ZDHHC13: variants seen among roughly 807,000 people sequenced by gnomAD.
ZDHHC13 encodes zDHHC palmitoyltransferase 13, also known as palmitoyltransferase ZDHHC13.
In ZDHHC13, 85 loss-of-function variants were observed where a neutral mutation model predicts 86.0. The observed-to-expected ratio is 0.99, with a 90% CI of 0.83 to 1.18. The LOEUF (loss-of-function observed/expected upper bound fraction) is 1.18, where lower values mean the gene tolerates loss of function less well. Among genes scored for constraint, ZDHHC13 ranks in the 50% most tolerant of loss-of-function variants. The probability of loss-of-function intolerance (pLI) is 0.00; values close to 1 mark genes in which losing one functional copy is unlikely to be tolerated. For synonymous variants in ZDHHC13, 263 were observed against 246.4 expected (o/e 1.07, Z -0.63); for missense variants, 711 against 730.2 (o/e 0.97, Z 0.30).
At chr11:19,171,651 G>A (rs1004819715) in intron 15 of ZDHHC13, among the ~76,000 whole-genome samples, 9 of 152,176 alleles carry the variant, frequency 5.9e-5, no homozygotes, top group African/African-American at 1.9e-4. Flanking sequence ...ATAATACCTA[G>A]TATTTATAAT....
intron 6 of ZDHHC13, 39 bp from the exon 7 acceptor site, chr11:19,152,119 T>G (rs1160022141): frequency 1.3e-6 from 2 of 1,592,284 alleles, no homozygotes; most frequent in Admixed American, 3.5e-5. Context: ...AGTCATCATC[T>G]CTGTTAATGC....
rs1849582223 is a variant in ZDHHC13, at chr11:19,150,675, A to G, written c.520-52A>G. 6 of 1,489,654 alleles carry G rather than the reference A, an allele frequency of 4.0e-6. No homozygotes were observed. In the Admixed American group the frequency reaches 8.5e-5, roughly 21 times the overall value. 92.3% of individuals were successfully genotyped at this position (1,489,654 alleles called of 1,614,324 possible). Reference sequence around the variant, plus strand: ...AGAGATATTTCTATTAAGAGAACAAATAGACTTTTGAGTGTATTTACAGTT... The same window carrying G: ...AGAGATATTTCTATTAAGAGAACAAGTAGACTTTTGAGTGTATTTACAGTT... On this transcript the variant is annotated intron_variant, in intron 5 of 16. Transcript: ENST00000446113.
chr11:19,163,179 T>TAGGGGC (rs908111776), intron 10 of ZDHHC13, 124 bp from the exon 11 acceptor site: 1 of 960,354 alleles, frequency 1.0e-6, no homozygotes, highest in Admixed American at 3.5e-5. Context: ...GGAAGAGATT[T>TAGGGGC]AGGGGCAGGG....
At position 19,126,342 on chromosome 11, in the gene ZDHHC13, C is replaced by CTTT. The variant is rs10629803; in HGVS notation, c.27+9076_27+9078dup. 3.7e-3 allele frequency among the ~76,000 whole-genome samples: 506 copies of CTTT among 135,524 alleles called. 8 individuals are homozygous for CTTT. Among genetic ancestry groups the CTTT allele is most frequent in the African/African-American group, 8.8e-3 (321 of 36,482 alleles). The allele number at this position is 135,524 out of a possible 152,430, so 88.9% of individuals were successfully genotyped here. On this transcript the variant is annotated intron_variant, in intron 1 of 16. Transcript: ENST00000446113. ...CTTCTTCTTTTTTTCTTTTCTTTTT[C>CTTT]TTTTTTTTTTTTGCAGTGGAGTCTT...
chr11:19,122,024 T>C (rs1196394730), intron 1 of ZDHHC13, among the ~76,000 whole-genome samples: 1 of 152,204 alleles, frequency 6.6e-6, no homozygotes, highest in Non-Finnish European at 1.5e-5. Context: ...CAAGGTTACC[T>C]GTCTTCTTCT....
chr11:19,159,399 AC>A (rs1849848260), intron 10 of ZDHHC13, among the ~76,000 whole-genome samples: 1 of 152,172 alleles, frequency 6.6e-6, no homozygotes, highest in African/African-American at 2.4e-5. Context: ...TTTTCTGAGT[AC>A]TAAGACGGAC....
chr11:19,174,632 A>T (rs1403202501), intron 16 of ZDHHC13, among the ~76,000 whole-genome samples: 1 of 152,272 alleles, frequency 6.6e-6, no homozygotes, highest in African/African-American at 2.4e-5. Flanking sequence ...CATTTCTCAT[A>T]ACTGGAATAG....
intron 15 of ZDHHC13, among the ~76,000 whole-genome samples, chr11:19,171,569 A>G (rs752220508): frequency 9.2e-5 from 14 of 152,194 alleles, no homozygotes; most frequent in Non-Finnish European, 1.5e-4. Context: ...TCACTCTCCT[A>G]TCACTCTGAC....
At chr11:19,121,923 C>T (rs76809293) in intron 1 of ZDHHC13, among the ~76,000 whole-genome samples, 1 of 152,000 alleles carries the variant, frequency 6.6e-6, no homozygotes, top group Non-Finnish European at 1.5e-5. Flanking sequence ...GTTATTTGGC[C>T]CGTGTCATCA....
Position 19,120,781 on chromosome 11 carries a change from T to C in ZDHHC13, c.27+3505T>C, listed in dbSNP as rs56904649. 8.9e-3 allele frequency among the ~76,000 whole-genome samples: 1,352 copies of C among 152,264 alleles called. 25 individuals carry two copies. The highest frequency in any genetic ancestry group is 0.031 in the African/African-American group (1,288 of 41,548). ...ATTTTTTTTCCCTTTGTATCTTAAT[T>C]AAAACAAAAACAACAAAAAAACCAT... On this transcript the variant is annotated intron_variant, in intron 1 of 16. Transcript: ENST00000446113.
intron 1 of ZDHHC13, among the ~76,000 whole-genome samples, chr11:19,140,479 T>G (rs1849281216): frequency 6.6e-6 from 1 of 152,212 alleles, no homozygotes. Flanking sequence ...GACTGTAAAC[T>G]AGTTCAACCA....
intron 4 of ZDHHC13, 101 bp downstream of exon 4, chr11:19,147,774 C>CCCT (rs1430329387): frequency 1.4e-6 from 1 of 710,426 alleles, no homozygotes; most frequent in Non-Finnish European, 2.0e-6. Flanking sequence ...TCTTTTCTTC[C>CCCT]CCCCCCCCCT....
chr11:19,167,678 C>T (rs1449429881), intron 14 of ZDHHC13: 1 of 152,172 alleles, frequency 6.6e-6, no homozygotes, highest in Non-Finnish European at 1.5e-5. Flanking sequence ...ATGTGACTGT[C>T]ACCATTTTAA....
chr11:19,142,994 A>G lies in ZDHHC13; in HGVS notation c.44A>G (p.His15Arg), dbSNP rs752525406. 2.5e-6 allele frequency: 4 copies of G among 1,609,732 alleles called. No individual in the cohort carries two copies. The highest frequency in any genetic ancestry group is 1.7e-5 in the Admixed American group (1 of 59,342). Reference protein sequence around the residue: ...GLGSQCRNHSHGPHPPGFGRY... With the variant: ...GLGSQCRNHSRGPHPPGFGRY... ...ACTCTTCAGTGCAGGAATCACAGCC[A>G]TGGCCCCCACCCTCCAGGATTTGGT... Residue 15 changes from histidine to arginine, a missense_variant, in exon 2 of 17, where the codon CAT becomes CGT. Coordinates refer to ENST00000446113, the MANE Select transcript of ZDHHC13 (RefSeq NM_019028.3).
intron 1 of ZDHHC13, among the ~76,000 whole-genome samples, chr11:19,130,169 G>A (rs751145174): frequency 6.6e-6 from 1 of 151,870 alleles, no homozygotes; most frequent in Non-Finnish European, 1.5e-5. Context: ...ATTTGATAGG[G>A]TTAACTAATT....
intron 2 of ZDHHC13, among the ~76,000 whole-genome samples, chr11:19,143,812 T>A (rs1465512032): frequency 6.6e-6 from 1 of 152,240 alleles, no homozygotes; most frequent in Admixed American, 6.5e-5. Flanking sequence ...TTAACATCTA[T>A]CACACCTCTT....
rs995595142 is a variant in ZDHHC13 at position 19,164,838 on chromosome 11, C to T, written c.1297-214C>T. 1.5e-5 allele frequency: 8 copies of T among 546,782 alleles called. No individual in the cohort carries two copies. The Admixed American group carries it at 2.3e-4, about 15-fold the overall frequency. The allele number at this position is 546,782 out of a possible 1,614,324, so 33.9% of individuals were successfully genotyped here. A position where few individuals can be genotyped will look rare whatever the true frequency, so the allele number is the denominator to read the frequency against. Reference sequence around the variant, plus strand: ...TTTCTGCTTAGCCAGTGTGAACAGGCTCTGGAATTCAGATCCCACTTAGTG... The same window carrying T: ...TTTCTGCTTAGCCAGTGTGAACAGGTTCTGGAATTCAGATCCCACTTAGTG... On this transcript the variant is annotated intron_variant, in intron 12 of 16. Transcript: ENST00000446113.
chr11:19,141,675 CTT>C (rs34963467), intron 1 of ZDHHC13, among the ~76,000 whole-genome samples: 62 of 140,362 alleles, frequency 4.4e-4, no homozygotes, highest in African/African-American at 1.4e-3. Context: ...TTTTTGTGGG[CTT>C]TTTTTTTTTT....
At chr11:19,128,490 A>G (rs895241099) in intron 1 of ZDHHC13, among the ~76,000 whole-genome samples, 6 of 152,182 alleles carry the variant, frequency 3.9e-5, no homozygotes, top group Admixed American at 3.3e-4. Context: ...ACTGTGTTGA[A>G]TAGAAGTGCT....
Sources: gnomAD v4.1 joint callset for allele counts (sites outside exome capture counted in the v4.1 genomes callset) on GRCh38, gnomAD v4.1.1 for gene constraint, MANE v1.5 for transcripts, NCBI Gene and HGNC (gene_info 2026-07-23, HGNC 2026-07-21) for gene names.